The following ERBB4 variants were observed in gnomAD, a reference collection of about 807,000 sequenced individuals.
ERBB4 encodes erb-b2 receptor tyrosine kinase 4, also known as receptor tyrosine-protein kinase erbB-4.
ERBB4 carries 42 observed loss-of-function variants against 158.0 expected under a neutral mutation model. That is an observed-to-expected ratio of 0.27 (90% CI 0.21 to 0.34). The LOEUF (loss-of-function observed/expected upper bound fraction) is 0.34. ERBB4 is among the 10% of genes least tolerant of loss of function. The probability of loss-of-function intolerance (pLI) is 1.00; values close to 1 mark genes in which losing one functional copy is unlikely to be tolerated. For missense variants in ERBB4, 1,333 were observed against 1,624.1 expected (o/e 0.82, Z 3.08); for synonymous variants, 583 against 558.7 (o/e 1.04, Z -0.61).
intron 3 of ERBB4, among the ~76,000 whole-genome samples, chr2:211,829,564 C>G (rs910061482): frequency 6.6e-6 from 1 of 152,084 alleles, no homozygotes; most frequent in Non-Finnish European, 1.5e-5. Context: ...ACTTGTTTAT[C>G]ATCTGCTTCT....
chr2:212,175,196 A>G (rs1218329706), intron 1 of ERBB4, among the ~76,000 whole-genome samples: 1 of 152,198 alleles, frequency 6.6e-6, no homozygotes, highest in African/African-American at 2.4e-5. Context: ...TTTCACGTTT[A>G]TGTTAACATA....
chr2:211,791,884 T>G (rs142391392), intron 3 of ERBB4, among the ~76,000 whole-genome samples: 5 of 151,790 alleles, frequency 3.3e-5, no homozygotes, highest in African/African-American at 1.2e-4. Context: ...GTAAAAGATG[T>G]CACGAATCTT....
At chr2:212,388,798 T>C (rs1188723709) in intron 1 of ERBB4, among the ~76,000 whole-genome samples, 3 of 152,114 alleles carry the variant, frequency 2.0e-5, no homozygotes, top group Non-Finnish European at 4.4e-5. Context: ...AGGGCCAATC[T>C]TGAGAGCCTT....
intron 2 of ERBB4, among the ~76,000 whole-genome samples, chr2:212,003,191 A>AAGAGAAAGAAAGAC (rs1233752017): frequency 2.7e-5 from 2 of 74,120 alleles, no homozygotes; most frequent in Non-Finnish European, 6.5e-5. Flanking sequence ...GAAAGAAAGA[A>AAGAGAAAGAAAGAC]AGAAAGAAAG....
intron 1 of ERBB4, among the ~76,000 whole-genome samples, chr2:212,465,683 C>T (rs976317442): frequency 6.6e-6 from 1 of 152,094 alleles, no homozygotes; most frequent in Non-Finnish European, 1.5e-5. Context: ...TATTTTCTTG[C>T]TCCTCAAAGC....
rs1314259278 is a variant in ERBB4, at chr2:212,344,964, A to G, written c.82+193485T>C. 2.0e-5 allele frequency among the ~76,000 whole-genome samples: 3 copies of G among 152,150 alleles called. No individual in the cohort carries two copies. The East Asian group carries it at 5.8e-4, about 29-fold the overall frequency. On this transcript the variant is annotated intron_variant, in intron 1 of 27. Coordinates refer to ENST00000342788, the MANE Select transcript of ERBB4 (RefSeq NM_005235.3). ...AAAAGTCAAATAAAATAATGTTTATAAAAGTACTAAACACAGGTCGGGCGT... is the reference window on the plus strand; with the variant it reads ...AAAAGTCAAATAAAATAATGTTTATGAAAGTACTAAACACAGGTCGGGCGT...
intron 1 of ERBB4, among the ~76,000 whole-genome samples, chr2:212,133,897 G>T (rs2080187636): frequency 6.6e-6 from 1 of 152,170 alleles, no homozygotes. Context: ...ATGAACTTGA[G>T]CAAATCACTT....
rs182843550 is a variant in ERBB4 at position 212,072,483 on chromosome 2, A to C, written c.234+52269T>G. 7.2e-3 allele frequency among the ~76,000 whole-genome samples: 1,099 copies of C among 152,074 alleles called. 5 individuals carry two copies. The highest frequency in any genetic ancestry group is 0.011 in the Non-Finnish European group (722 of 67,928). ...GACAGCTCCACCTGTTACAGCATAA[A>C]ATAGAACTTTCAAGTATAAAAAAGA... On this transcript the variant is annotated intron_variant, in intron 2 of 27. Transcript: ENST00000342788.
chr2:211,465,970 G>A (rs994205960), intron 20 of ERBB4, among the ~76,000 whole-genome samples: 12 of 152,086 alleles, frequency 7.9e-5, no homozygotes, highest in Non-Finnish European at 1.6e-4. Context: ...AATAAACAAA[G>A]GTCAGACCCT....
intron 1 of ERBB4, among the ~76,000 whole-genome samples, chr2:212,495,054 C>A (rs1274663581): frequency 1.3e-5 from 2 of 151,992 alleles, no homozygotes; most frequent in East Asian, 3.9e-4. Flanking sequence ...TGGGAAGAAC[C>A]ATGGGATATA....
At chr2:211,548,058 G>C (rs2066987203) in intron 20 of ERBB4, among the ~76,000 whole-genome samples, 1 of 152,088 alleles carries the variant, frequency 6.6e-6, no homozygotes, top group African/African-American at 2.4e-5. Flanking sequence ...TAAGGCTTCA[G>C]TGGGATTCTG....
chr2:212,127,745 G>C (rs145980008), intron 1 of ERBB4, among the ~76,000 whole-genome samples: 47 of 152,216 alleles, frequency 3.1e-4, no homozygotes, highest in Non-Finnish European at 5.7e-4. Context: ...AAAATACCAC[G>C]TGCACACAAA....
intron 3 of ERBB4, among the ~76,000 whole-genome samples, chr2:211,808,046 T>C (rs569562238): frequency 6.6e-6 from 1 of 152,340 alleles, no homozygotes; most frequent in South Asian, 2.1e-4. Flanking sequence ...GATGGATAGA[T>C]TGTAAACATT....
chr2:211,810,890 G>A (rs1575180085), intron 3 of ERBB4, among the ~76,000 whole-genome samples: 1 of 151,722 alleles, frequency 6.6e-6, no homozygotes, highest in East Asian at 1.9e-4. Context: ...TAGCCAGGAT[G>A]GTCTCGATCT....
intron 1 of ERBB4, among the ~76,000 whole-genome samples, chr2:212,292,469 G>A: frequency 6.6e-6 from 1 of 151,884 alleles, no homozygotes; most frequent in South Asian, 2.1e-4. Context: ...TTAATTTCTA[G>A]TACCTTTAGT....
chr2:212,080,467 A>G (rs540367872), intron 2 of ERBB4, among the ~76,000 whole-genome samples: 1 of 151,772 alleles, frequency 6.6e-6, no homozygotes. Flanking sequence ...TTTTTAAAAA[A>G]TAATGGTTAT....
intron 1 of ERBB4, among the ~76,000 whole-genome samples, chr2:212,374,557 T>C (rs1359485935): frequency 6.6e-6 from 1 of 151,896 alleles, no homozygotes; most frequent in Non-Finnish European, 1.5e-5. Flanking sequence ...ATATCATTCA[T>C]GTTTTTAGAA....
intron 1 of ERBB4, among the ~76,000 whole-genome samples, chr2:212,170,917 C>A (rs1041296027): frequency 1.3e-5 from 2 of 152,146 alleles, no homozygotes; most frequent in Non-Finnish European, 2.9e-5. Context: ...GACCCCCTCA[C>A]AGATTCCCCA....
intron 1 of ERBB4, among the ~76,000 whole-genome samples, chr2:212,152,466 T>C (rs1379241803): frequency 6.6e-6 from 1 of 152,174 alleles, no homozygotes; most frequent in Non-Finnish European, 1.5e-5. Flanking sequence ...TCTTCCTCTT[T>C]CTCTTTGGAC....
Sources: gnomAD v4.1 joint callset for allele counts (sites outside exome capture counted in the v4.1 genomes callset) on GRCh38, gnomAD v4.1.1 for gene constraint, MANE v1.5 for transcripts, NCBI Gene and HGNC (gene_info 2026-07-23, HGNC 2026-07-21) for gene names.